Variants in PBX3 observed in about 807,000 individuals in gnomAD.
PBX3 encodes the protein PBX homeobox 3.
Under a neutral mutation model 48.5 loss-of-function variants are expected in PBX3, and 14 were observed. The ratio of observed to expected loss-of-function variants is 0.29; its 90% CI spans 0.19 to 0.45. PBX3 has a LOEUF of 0.45. PBX3 is among the 20% of genes least tolerant of loss of function. PBX3 has a pLI of 1.00. For missense variants in PBX3, 386 were observed against 546.7 expected (o/e 0.71, Z 2.93); for synonymous variants, 210 against 200.3 (o/e 1.05, Z -0.41).
At position 125,859,390 on chromosome 9, in the gene PBX3, C is replaced by T. The variant is rs192028215; in HGVS notation, c.275-56296C>T. On this transcript the variant is annotated intron_variant, in intron 2 of 8. Transcript: ENST00000373489. The stretch of plus-strand genomic sequence containing the variant: ...GCTTCAGAGGGAAGGCAATGAAGAA[C>T]ATTGCTACTGCAAGGCCTCCAATGG... Among the ~76,000 whole-genome samples, 110 of 152,290 alleles carry T rather than the reference C, an allele frequency of 7.2e-4. 1 individual carries two copies. In the East Asian group the frequency reaches 9.6e-3, roughly 13 times the overall value.
At chr9:125,789,446 T>C (rs1308702998) in intron 2 of PBX3, among the ~76,000 whole-genome samples, 5 of 152,206 alleles carry the variant, frequency 3.3e-5, no homozygotes, top group Admixed American at 2.6e-4. Context: ...CTATTGACAG[T>C]ACTCAGTCCT....
intron 5 of PBX3, among the ~76,000 whole-genome samples, chr9:125,942,651 A>G (rs1419733326): frequency 6.6e-6 from 1 of 152,244 alleles, no homozygotes; most frequent in Non-Finnish European, 1.5e-5. Flanking sequence ...TACTGCAAGT[A>G]TGCAGTTGGT....
intron 2 of PBX3, among the ~76,000 whole-genome samples, chr9:125,810,370 G>A (rs1838254944): frequency 1.4e-5 from 2 of 143,270 alleles, no homozygotes; most frequent in South Asian, 4.6e-4. Flanking sequence ...GAATGAGTGT[G>A]TGTGTGTGTG....
At chr9:125,962,021 T>C (rs1256101323) in intron 6 of PBX3, 81 bp from the exon 7 acceptor site, 13 of 699,652 alleles carry the variant, frequency 1.9e-5, no homozygotes, top group Middle Eastern at 2.4e-4. Flanking sequence ...CTGTACTTTT[T>C]CTCATCTCCC....
chr9:125,822,059 A>G (rs867739600), intron 2 of PBX3, among the ~76,000 whole-genome samples: 1 of 152,130 alleles, frequency 6.6e-6, no homozygotes, highest in South Asian at 2.1e-4. Flanking sequence ...ACTTTCTGTC[A>G]GGAGTAAATT....
chr9:125,856,106 AT>A (rs1839713679), intron 2 of PBX3, among the ~76,000 whole-genome samples: 1 of 152,162 alleles, frequency 6.6e-6, no homozygotes, highest in Admixed American at 6.5e-5. Context: ...TGCATTAAAC[AT>A]TTTTGCTATA....
At chr9:125,905,443 TCA>T (rs1282875504) in intron 2 of PBX3, among the ~76,000 whole-genome samples, 1 of 152,066 alleles carries the variant, frequency 6.6e-6, no homozygotes, top group East Asian at 1.9e-4. Flanking sequence ...TGAATTTGAC[TCA>T]CATTCATTTC....
intron 2 of PBX3, among the ~76,000 whole-genome samples, chr9:125,780,767 CG>C (rs1316300076): frequency 8.1e-6 from 1 of 124,062 alleles, no homozygotes; most frequent in Non-Finnish European, 1.7e-5. Flanking sequence ...GCTGGCCGGG[CG>C]GGGGGCTGAC....
chr9:125,899,065 A>G (rs1002220857), intron 2 of PBX3, among the ~76,000 whole-genome samples: 5 of 151,166 alleles, frequency 3.3e-5, no homozygotes, highest in African/African-American at 9.7e-5. Context: ...TGTGGTGTTG[A>G]AAGGAATGCT....
At chr9:125,803,210 C>T (rs915329624) in intron 2 of PBX3, among the ~76,000 whole-genome samples, 1 of 150,356 alleles carries the variant, frequency 6.7e-6, no homozygotes, top group African/African-American at 2.5e-5. Flanking sequence ...ACCTCAGCTT[C>T]CTGAGTAGTT....
At chr9:125,784,267 TA>T (rs1480970350) in intron 2 of PBX3, among the ~76,000 whole-genome samples, 51 of 152,310 alleles carry the variant, frequency 3.3e-4, no homozygotes, top group African/African-American at 1.1e-3. Context: ...TAGCTGGGAT[TA>T]CAGGCGTATG....
At chr9:125,795,176 A>T (rs1448044252) in intron 2 of PBX3, among the ~76,000 whole-genome samples, 1 of 152,234 alleles carries the variant, frequency 6.6e-6, no homozygotes, top group East Asian at 1.9e-4. Context: ...TTATTCATTA[A>T]TGGAAACCCT....
intron 2 of PBX3, among the ~76,000 whole-genome samples, chr9:125,838,327 G>A (rs912558689): frequency 7.0e-6 from 1 of 143,712 alleles, no homozygotes; most frequent in African/African-American, 2.6e-5. Flanking sequence ...TAAGATAACA[G>A]TGATGAGCCG....
chr9:125,801,953 T>G (rs930817950), intron 2 of PBX3, among the ~76,000 whole-genome samples: 1 of 152,084 alleles, frequency 6.6e-6, no homozygotes, highest in Admixed American at 6.6e-5. Flanking sequence ...TGGCTCATGC[T>G]TGTAATCCCA....
chr9:125,784,827 C>G (rs559526066), intron 2 of PBX3, among the ~76,000 whole-genome samples: 4 of 110,816 alleles, frequency 3.6e-5, no homozygotes, highest in Admixed American at 9.6e-5. Context: ...ACGACTGTGC[C>G]TTAGTTTTTA....
At chr9:125,960,537 C>T in intron 5 of PBX3, 147 bp from the exon 6 acceptor site, 1 of 662,782 alleles carries the variant, frequency 1.5e-6, no homozygotes, top group Non-Finnish European at 2.6e-6. Flanking sequence ...ACCCCCAAAA[C>T]CATTATGCAT....
chr9:125,748,292 T>G, intron 1 of PBX3: 8 of 1,087,688 alleles, frequency 7.4e-6, no homozygotes, highest in Non-Finnish European at 7.8e-6. Context: ...CCCGCGCGGG[T>G]TCGCGTCGCG....
intron 2 of PBX3, among the ~76,000 whole-genome samples, chr9:125,881,864 A>G (rs1326573407): frequency 1.3e-5 from 2 of 151,828 alleles, no homozygotes; most frequent in East Asian, 1.9e-4. Context: ...GAGTAGTCCA[A>G]TTGGGTGGAT....
chr9:125,810,365 AGTGTGTGTGTGTGTGTGTGTGTGT>A (rs113025234), intron 2 of PBX3, among the ~76,000 whole-genome samples: 2 of 145,416 alleles, frequency 1.4e-5, no homozygotes, highest in African/African-American at 5.0e-5. Flanking sequence ...AGCAGGAATG[AGTGTGTGTGTGTGTGTGTGTGTGT>A]GTGTGTGTAT....
Sources: gnomAD v4.1 joint callset for allele counts (sites outside exome capture counted in the v4.1 genomes callset) on GRCh38, gnomAD v4.1.1 for gene constraint, MANE v1.5 for transcripts, NCBI Gene and HGNC (gene_info 2026-07-23, HGNC 2026-07-21) for gene names.